The following C6 variants were observed in gnomAD, a reference collection of about 807,000 sequenced individuals.
C6 encodes the protein complement component C6.
In C6, 101 loss-of-function variants were observed where a neutral mutation model predicts 112.9. That is an observed-to-expected ratio of 0.89 (90% confidence interval 0.76 to 1.06). C6 has a LOEUF of 1.06. C6 is among the 50% of genes least tolerant of loss of function. The pLI is 0.00. For missense variants in C6, 1,202 were observed against 1,104.6 expected, an observed-to-expected ratio of 1.09 and a Z score of -1.25; for synonymous variants, 431 against 384.1, an observed-to-expected ratio of 1.12 and a Z score of -1.43.
At chr5:41,240,085 T>A (rs1580245497) in intron 1 of C6, among the ~76,000 whole-genome samples, 1 of 152,156 alleles carries the variant, frequency 6.6e-6, no homozygotes, top group Admixed American at 6.5e-5. Flanking sequence ...TTAGGGAGGA[T>A]CTTTGAGCTT....
chr5:41,224,714 G>T (rs1337126147), intron 1 of C6, among the ~76,000 whole-genome samples: 1 of 151,950 alleles, frequency 6.6e-6, no homozygotes, highest in African/African-American at 2.4e-5. Context: ...GGGAACATTT[G>T]TGTACATGTT....
chr5:41,230,783 G>A (rs1232143731), intron 1 of C6, among the ~76,000 whole-genome samples: 1 of 152,084 alleles, frequency 6.6e-6, no homozygotes, highest in Non-Finnish European at 1.5e-5. Context: ...AATATGTGAT[G>A]TCACCCTGGA....
intron 15 of C6, 87 bp from the exon 16 acceptor site, chr5:41,150,112 A>G: frequency 3.5e-6 from 3 of 852,446 alleles, no homozygotes; most frequent in Non-Finnish European, 6.1e-6. Context: ...GGCAGTGGTA[A>G]AGGATTCATA....
At chr5:41,216,747 G>A (rs1171946953), upstream of C6, among the ~76,000 whole-genome samples, 1 of 151,944 alleles carries the variant, frequency 6.6e-6, no homozygotes, top group Non-Finnish European at 1.5e-5. Flanking sequence ...ACCATACCTT[G>A]AAGATTGCAT....
intron 1 of C6, among the ~76,000 whole-genome samples, chr5:41,246,910 T>C (rs1741056034): frequency 6.6e-6 from 1 of 152,218 alleles, no homozygotes; most frequent in Non-Finnish European, 1.5e-5. Flanking sequence ...CCTCTAGAAG[T>C]AACATAATAA....
intron 1 of C6, among the ~76,000 whole-genome samples, chr5:41,257,805 T>G (rs2150445842): frequency 6.6e-6 from 1 of 152,282 alleles, no homozygotes; most frequent in African/African-American, 2.4e-5. Flanking sequence ...ATTAGGAAGA[T>G]TCCACCGACA....
At position 41,202,366 on chromosome 5, in the gene C6, T is replaced by G. The variant is rs113439413; in HGVS notation, c.144-652A>C. Among the ~76,000 whole-genome samples, 1,202 of 152,268 alleles carry G rather than the reference T, an allele frequency of 7.9e-3. 18 individuals carry two copies. Among genetic ancestry groups the G allele is most frequent in the African/African-American group, 0.027 (1,125 of 41,560 alleles). ...AGGGAGCTACTGAAGGACTCTTGAA[T>G]AGAGGAATATTGTAAACAAATCTGT... On this transcript the variant is annotated intron_variant, in intron 2 of 17. Coordinates refer to ENST00000337836, the MANE Select transcript of C6 (RefSeq NM_000065.5).
intron 1 of C6, among the ~76,000 whole-genome samples, chr5:41,260,447 A>AC (rs368003732): frequency 0.27 from 36,177 of 131,740 alleles, 5,063 homozygotes; most frequent in African/African-American, 0.36. Context: ...CAAACAAATA[A>AC]ACCCCCCCCC....
At chr5:41,148,084 C>G (rs959194485) in intron 17 of C6, among the ~76,000 whole-genome samples, 2 of 152,056 alleles carry the variant, frequency 1.3e-5, no homozygotes, top group African/African-American at 4.8e-5. Flanking sequence ...TAATATTTAC[C>G]TAGAAATGTC....
At chr5:41,211,751 T>C (rs2921177) in intron 1 of C6, among the ~76,000 whole-genome samples, 77,035 of 151,418 alleles carry the variant, frequency 0.51, 20,454 homozygotes, top group Non-Finnish European at 0.6. Flanking sequence ...TTATTAGATG[T>C]TGGACAAGAC....
At position 41,234,343 on chromosome 5, in the gene C6, T is replaced by G. The variant is rs557915299; in HGVS notation, c.-21+26851A>C. Reference sequence around the variant, plus strand: ...CTTTGTTATTCTACCCTTTCGTTTTTTTTTTTGTTTTTTGTTTTTTGTTTT... The same window carrying G: ...CTTTGTTATTCTACCCTTTCGTTTTGTTTTTTGTTTTTTGTTTTTTGTTTT... On this transcript the variant is annotated intron_variant, in intron 1 of 17. Transcript: ENST00000263413. Among the ~76,000 whole-genome samples the G allele has an allele frequency of 5.6e-4, 83 of 147,488 alleles. 1 individual carries two copies. Among genetic ancestry groups the G allele is most frequent in the Non-Finnish European group, 8.6e-4 (58 of 67,678 alleles).
Position 41,184,376 on chromosome 5 carries a change from G to T in C6, c.726+1694C>A, listed in dbSNP as rs368175448. Reference sequence around the variant, plus strand: ...TAACATAGGCCGCCTCCGACTATAAGAGCCAGAAGCCAGGAATCCTTATTT... The same window carrying T: ...TAACATAGGCCGCCTCCGACTATAATAGCCAGAAGCCAGGAATCCTTATTT... On this transcript the variant is annotated intron_variant, in intron 6 of 17. Transcript: ENST00000337836. Among the ~76,000 whole-genome samples the T allele has an allele frequency of 1.8e-4, 28 of 152,252 alleles. 2 individuals carry two copies. The East Asian group carries it at 2.7e-3, about 15-fold the overall frequency.
intron 1 of C6, among the ~76,000 whole-genome samples, chr5:41,260,655 A>G (rs1561213144): frequency 6.6e-6 from 1 of 151,874 alleles, no homozygotes; most frequent in Admixed American, 6.6e-5. Context: ...ATGCCTGTAA[A>G]TTCCAGCTAC....
At chr5:41,239,222 C>T (rs1345831485) in intron 1 of C6, among the ~76,000 whole-genome samples, 1 of 145,612 alleles carries the variant, frequency 6.9e-6, no homozygotes, top group Non-Finnish European at 1.5e-5. Context: ...AGTGATTCTT[C>T]TGTCTCAGCC....
chr5:41,177,716 G>C (rs907201467), intron 7 of C6, among the ~76,000 whole-genome samples: 1 of 152,098 alleles, frequency 6.6e-6, no homozygotes, highest in South Asian at 2.1e-4. Context: ...TCTCCCTTCT[G>C]TCTTTCCTTT....
intron 1 of C6, among the ~76,000 whole-genome samples, chr5:41,227,358 T>C (rs560936333): frequency 7.9e-5 from 12 of 152,236 alleles, no homozygotes; most frequent in South Asian, 4.1e-4. Flanking sequence ...ATATAAACTC[T>C]TCATCAGACG....
chr5:41,215,083 A>C (rs1308233650), upstream of C6, among the ~76,000 whole-genome samples: 2 of 152,060 alleles, frequency 1.3e-5, no homozygotes, highest in African/African-American at 4.8e-5. Flanking sequence ...GACATATCTC[A>C]CTCATGAGTC....
At chr5:41,259,519 A>C (rs1472297234) in intron 1 of C6, among the ~76,000 whole-genome samples, 4 of 3,634 alleles carry the variant, frequency 1.1e-3, no homozygotes, top group African/African-American at 2.8e-3. Flanking sequence ...GAAATTACCA[A>C]AAAAAAAAAA....
intron 1 of C6, among the ~76,000 whole-genome samples, chr5:41,232,430 T>C (rs747982944): frequency 1.4e-4 from 21 of 152,164 alleles, no homozygotes; most frequent in Non-Finnish European, 1.2e-4. Flanking sequence ...CATGGATTTT[T>C]CTTTCTCTGG....
Sources: gnomAD v4.1 joint callset for allele counts (sites outside exome capture counted in the v4.1 genomes callset) on GRCh38, gnomAD v4.1.1 for gene constraint, MANE v1.5 for transcripts, NCBI Gene and HGNC (gene_info 2026-07-23, HGNC 2026-07-21) for gene names.